TRMT2B: variants seen among roughly 807,000 people sequenced by gnomAD.
The protein encoded by TRMT2B is tRNA (uracil-5-)-methyltransferase homolog B.
Under a neutral mutation model 39.7 loss-of-function variants are expected in TRMT2B, and 34 were observed. The observed-to-expected ratio is 0.86, with a 90% CI of 0.65 to 1.14. The LOEUF (loss-of-function observed/expected upper bound fraction) is 1.14. Ranked by LOEUF, TRMT2B falls within the 50% of genes most tolerant of loss-of-function variation. The pLI, the probability that TRMT2B is intolerant of heterozygous loss-of-function variation, is 0.00. For missense variants in TRMT2B, 318 were observed against 377.2 expected (o/e 0.84, Z 1.30); for synonymous variants, 132 against 137.3 (o/e 0.96, Z 0.27).
chrX:101,048,113 TACACAC>T (rs56212711), intron 2 of TRMT2B, among the ~76,000 whole-genome samples: 2,569 of 90,368 alleles, frequency 0.028, 72 homozygotes, highest in African/African-American at 0.091. Flanking sequence ...TTTATACACA[TACACAC>T]ACACACACAC....
chrX:101,044,319 A>C (rs920949343), intron 2 of TRMT2B, among the ~76,000 whole-genome samples: 1 of 112,184 alleles, frequency 8.9e-6, no homozygotes, highest in Non-Finnish European at 1.9e-5. Flanking sequence ...GGAAATATCC[A>C]AATGGAAATG....
the TRMT2B span, among the ~76,000 whole-genome samples, chrX:100,983,318 G>C: frequency 9.1e-6 from 1 of 110,308 alleles, no homozygotes; most frequent in South Asian, 3.9e-4. Flanking sequence ...AGCTTTTCTC[G>C]ATGCAGGAAA....
rs2088969419 is a variant in TRMT2B at position 101,050,168 on chromosome X, C to T, written c.-24+1083G>A. On this transcript the variant is annotated intron_variant, in intron 2 of 13. Transcript: ENST00000372936. ...TGACTGTAGTTCATTTGCCCTATAC[C>T]CCAGCAGGAGGGTCCTTGTCCATCT... Among the ~76,000 whole-genome samples, 3 of 111,998 alleles carry T rather than the reference C, an allele frequency of 2.7e-5. No homozygotes were observed. The South Asian group carries it at 1.1e-3, about 41-fold the overall frequency.
intron 2 of TRMT2B, among the ~76,000 whole-genome samples, chrX:101,048,051 T>C (rs563059107): frequency 9.1e-6 from 1 of 109,319 alleles, no homozygotes; most frequent in Non-Finnish European, 1.9e-5. Context: ...CCTTAAGCTC[T>C]ACCTTGGATT....
intron 4 of TRMT2B, among the ~76,000 whole-genome samples, chrX:101,039,291 C>T (rs1452954690): frequency 9.1e-6 from 1 of 109,866 alleles, no homozygotes; most frequent in Non-Finnish European, 1.9e-5. Flanking sequence ...AGGATGGTCT[C>T]GGATCTCCTG....
the TRMT2B span, among the ~76,000 whole-genome samples, chrX:101,003,078 C>CTTT: frequency 2.3e-5 from 2 of 88,077 alleles, no homozygotes; most frequent in African/African-American, 4.3e-5. Context: ...CCATGCCAAG[C>CTTT]TTTTTTTTTT....
chrX:101,028,757 C>T (rs761287991), intron 7 of TRMT2B, among the ~76,000 whole-genome samples: 3 of 111,698 alleles, frequency 2.7e-5, no homozygotes, highest in Non-Finnish European at 5.6e-5. Flanking sequence ...TTGTAATCCC[C>T]ACATGTTGGG....
chrX:100,981,127 C>A, the TRMT2B span, among the ~76,000 whole-genome samples: 2 of 111,759 alleles, frequency 1.8e-5, no homozygotes, highest in East Asian at 5.7e-4. Flanking sequence ...AAGCCCATCA[C>A]AGCACCAGGA....
chrX:101,010,362 A>T lies in TRMT2B; in HGVS notation c.*219T>A. ...GGGAGGCGGAGGTTGCAGTGAGCTG[A>T]GATCACGCCACGACACTCCAGCCTG... On this transcript the variant is annotated 3_prime_UTR_variant, in exon 14 of 14. Coordinates refer to ENST00000372936, the MANE Select transcript of TRMT2B (RefSeq NM_024917.6). 1 of 366,357 alleles carries T rather than the reference A, an allele frequency of 2.7e-6. No homozygotes were observed. The highest frequency in any genetic ancestry group is 6.3e-5 in the South Asian group (1 of 15,750). 30.2% of individuals were successfully genotyped at this position (366,357 alleles called of 1,213,427 possible).
the TRMT2B span, among the ~76,000 whole-genome samples, chrX:100,988,860 A>ATATCT: frequency 2.0e-4 from 20 of 98,747 alleles, no homozygotes; most frequent in African/African-American, 7.5e-4. Flanking sequence ...TCATATATAT[A>ATATCT]TATATATATA....
chrX:100,985,605 T>G, the TRMT2B span: 1 of 1,153,772 alleles, frequency 8.7e-7, no homozygotes, highest in Non-Finnish European at 1.2e-6. Context: ...ACTCTACTCC[T>G]GTTAGATGAG....
intron 7 of TRMT2B, among the ~76,000 whole-genome samples, chrX:101,034,557 T>A (rs2087718630): frequency 8.9e-6 from 1 of 111,838 alleles, no homozygotes; most frequent in Non-Finnish European, 1.9e-5. Context: ...CTTTATTTTG[T>A]AGACTTGATT....
chrX:101,024,938 A>G (rs1348380505), intron 7 of TRMT2B, among the ~76,000 whole-genome samples: 1 of 108,765 alleles, frequency 9.2e-6, no homozygotes, highest in African/African-American at 3.4e-5. Flanking sequence ...TCAAGGCTGC[A>G]GTGAGCCGAG....
chrX:100,994,199 A>G, the TRMT2B span, among the ~76,000 whole-genome samples: 79 of 111,887 alleles, frequency 7.1e-4, no homozygotes, highest in African/African-American at 2.2e-3. Context: ...TCTGCCAAAG[A>G]GGTTTTACAA....
chrX:100,990,568 A>C, the TRMT2B span: 1 of 1,151,722 alleles, frequency 8.7e-7, no homozygotes, highest in Non-Finnish European at 1.2e-6. Context: ...CTAGCCATCA[A>C]ATCAATCCTA....
chrX:101,049,663 C>T (rs1280587323), intron 2 of TRMT2B, among the ~76,000 whole-genome samples: 1 of 108,577 alleles, frequency 9.2e-6, no homozygotes, highest in East Asian at 2.9e-4. Flanking sequence ...TGTGGTGGCG[C>T]ACGCCTATAA....
the TRMT2B span, among the ~76,000 whole-genome samples, chrX:100,992,446 T>TG: frequency 1.8e-5 from 2 of 110,655 alleles, no homozygotes; most frequent in African/African-American, 6.6e-5. Flanking sequence ...CCGGGCATGG[T>TG]GGCACGAGCC....
intron 7 of TRMT2B, among the ~76,000 whole-genome samples, chrX:101,034,983 G>A (rs1034109063): frequency 8.9e-6 from 1 of 111,798 alleles, no homozygotes; most frequent in Non-Finnish European, 1.9e-5. Flanking sequence ...AGTGAGCTGA[G>A]ATCATGCCTC....
At chrX:101,024,132 G>A (rs1159888553) in intron 7 of TRMT2B, among the ~76,000 whole-genome samples, 3 of 111,393 alleles carry the variant, frequency 2.7e-5, no homozygotes, top group Non-Finnish European at 5.6e-5. Context: ...ACAGCCGTGA[G>A]CCACCGCACC....
Sources: allele counts gnomAD v4.1 joint callset (sites outside exome capture counted in the v4.1 genomes callset), GRCh38; gene constraint gnomAD v4.1.1; transcripts MANE v1.5; gene names NCBI Gene and HGNC (gene_info 2026-07-23, HGNC 2026-07-21).